Variants in FNBP1L observed in about 807,000 individuals in gnomAD.
FNBP1L encodes the protein formin-binding protein 1-like.
FNBP1L carries 36 observed loss-of-function variants against 91.2 expected under a neutral mutation model. The observed-to-expected ratio is 0.39, with a 90% confidence interval of 0.30 to 0.52. FNBP1L has a LOEUF of 0.52. Among genes scored for constraint, FNBP1L ranks in the 20% least tolerant of loss-of-function variants. The pLI is 0.66. For missense variants in FNBP1L, 571 were observed against 732.1 expected, an observed-to-expected ratio of 0.78 and a Z score of 2.54; for synonymous variants, 242 against 237.0, an observed-to-expected ratio of 1.02 and a Z score of -0.19.
chr1:93,538,453 A>G (rs750376342), intron 10 of FNBP1L, among the ~76,000 whole-genome samples: 1 of 152,132 alleles, frequency 6.6e-6, no homozygotes, highest in Non-Finnish European at 1.5e-5. Flanking sequence ...ATACCACTCC[A>G]GAGAAGAAAG....
intron 6 of FNBP1L, 78 bp from the exon 7 acceptor site, chr1:93,530,677 T>G: frequency 1.4e-6 from 2 of 1,478,002 alleles, no homozygotes; most frequent in Non-Finnish European, 1.8e-6. Flanking sequence ...TGATAAAATC[T>G]AGTTTTAGTA....
At chr1:93,509,244 G>C (rs1389519196) in intron 2 of FNBP1L, among the ~76,000 whole-genome samples, 1 of 152,162 alleles carries the variant, frequency 6.6e-6, no homozygotes, top group Non-Finnish European at 1.5e-5. Flanking sequence ...TACAAGTTCA[G>C]ACAGTCCATG....
At chr1:93,489,799 T>A (rs1206774944) in intron 1 of FNBP1L, among the ~76,000 whole-genome samples, 1 of 152,220 alleles carries the variant, frequency 6.6e-6, no homozygotes, top group South Asian at 2.1e-4. Flanking sequence ...TGGTTGATCC[T>A]GAATGGAAGT....
chr1:93,483,629 C>A (rs531210933), intron 1 of FNBP1L, among the ~76,000 whole-genome samples: 1 of 152,102 alleles, frequency 6.6e-6, no homozygotes, highest in African/African-American at 2.4e-5. Context: ...ATCAGTGTTG[C>A]TTCTTCCAAA....
chr1:93,532,080 T>C (rs1671694423), intron 7 of FNBP1L, among the ~76,000 whole-genome samples: 1 of 152,184 alleles, frequency 6.6e-6, no homozygotes, highest in Admixed American at 6.5e-5. Flanking sequence ...AGGTGTACAC[T>C]GCAGTAGGTC....
At position 93,470,014 on chromosome 1, in the gene FNBP1L, A is replaced by G. The variant is rs138964881; in HGVS notation, c.24+21709A>G. On this transcript the variant is annotated intron_variant, in intron 1 of 16. Transcript: ENST00000271234. ...TGTAATTGTGGTGTTAAAGTACCAT[A>G]TTTGTCCTTGATATTCCTCCCTGAA... is the stretch of plus-strand genomic sequence containing the variant. Among the ~76,000 whole-genome samples, 64 of 152,218 alleles carry G rather than the reference A, an allele frequency of 4.2e-4. 1 individual carries two copies. The South Asian group carries it at 4.8e-3, about 11-fold the overall frequency.
At chr1:93,503,269 A>G (rs1670496666) in intron 2 of FNBP1L, among the ~76,000 whole-genome samples, 1 of 152,136 alleles carries the variant, frequency 6.6e-6, no homozygotes, top group African/African-American at 2.4e-5. Flanking sequence ...CTGTAAAACC[A>G]TCAGATCTCG....
At chr1:93,457,571 G>C (rs889209496) in intron 1 of FNBP1L, among the ~76,000 whole-genome samples, 2 of 152,022 alleles carry the variant, frequency 1.3e-5, no homozygotes, top group African/African-American at 4.8e-5. Context: ...CTCAGGGCAA[G>C]AGTAGCTTAT....
intron 11 of FNBP1L, 125 bp from the exon 12 acceptor site, chr1:93,543,971 TTTTTTTAAGGG>T: frequency 4.0e-6 from 2 of 505,288 alleles, no homozygotes; most frequent in Non-Finnish European, 6.9e-6. Flanking sequence ...AGATTTCTTT[TTTTTTTAAGGG>T]GTTGCTTGAG....
chr1:93,537,926 C>T (rs1364138812), intron 10 of FNBP1L, among the ~76,000 whole-genome samples: 2 of 152,104 alleles, frequency 1.3e-5, no homozygotes, highest in Non-Finnish European at 2.9e-5. Flanking sequence ...CTCCTGGGCT[C>T]AAGCAGTCCT....
At chr1:93,461,516 T>C (rs1196668778) in intron 1 of FNBP1L, among the ~76,000 whole-genome samples, 1 of 152,064 alleles carries the variant, frequency 6.6e-6, no homozygotes, top group Non-Finnish European at 1.5e-5. Context: ...AGGTGATAGT[T>C]GCAGTTCTAA....
chr1:93,544,871 C>G (rs949228610), intron 12 of FNBP1L, among the ~76,000 whole-genome samples: 2 of 152,044 alleles, frequency 1.3e-5, no homozygotes, highest in African/African-American at 4.8e-5. Flanking sequence ...TTTGCACTAC[C>G]TTTGATTCTC....
chr1:93,487,804 C>G (rs746052913), intron 1 of FNBP1L, among the ~76,000 whole-genome samples: 21 of 152,174 alleles, frequency 1.4e-4, no homozygotes, highest in Non-Finnish European at 3.1e-4. Context: ...TCATCAATTC[C>G]TTGACCTCTG....
intron 1 of FNBP1L, among the ~76,000 whole-genome samples, chr1:93,462,014 T>A (rs1668885126): frequency 6.6e-6 from 1 of 152,128 alleles, no homozygotes; most frequent in Non-Finnish European, 1.5e-5. Context: ...CCTGCCAGAA[T>A]GGAAGGGTGT....
At chr1:93,537,348 C>T (rs542142085) in intron 10 of FNBP1L, among the ~76,000 whole-genome samples, 2 of 152,068 alleles carry the variant, frequency 1.3e-5, no homozygotes, top group African/African-American at 2.4e-5. Flanking sequence ...TAGGTTGTTT[C>T]GTTCTTCCTT....
rs986351814 is a variant in FNBP1L, at chr1:93,553,297, C to T, written c.*881C>T. The T allele has an allele frequency of 6.5e-6, 1 of 152,676 alleles. No individual in the cohort carries two copies. The highest frequency in any genetic ancestry group is 1.5e-5 in the Non-Finnish European group (1 of 68,044). 9.5% of individuals were successfully genotyped at this position (152,676 alleles called of 1,614,324 possible). Reference sequence around the variant, plus strand: ...GCTTCCATTCAAATGCTGCCTTAAACTTGAGTGCCTAAATCTGTTGATTGC... The same window carrying T: ...GCTTCCATTCAAATGCTGCCTTAAATTTGAGTGCCTAAATCTGTTGATTGC... On this transcript the variant is annotated 3_prime_UTR_variant, in exon 17 of 17. Transcript: ENST00000271234.
chr1:93,470,129 CTT>C (rs1359640238), intron 1 of FNBP1L, among the ~76,000 whole-genome samples: 1 of 152,056 alleles, frequency 6.6e-6, no homozygotes, highest in Non-Finnish European at 1.5e-5. Flanking sequence ...GCTATGCTCT[CTT>C]TTCTTTCTTT....
At chr1:93,480,559 G>A (rs1288024916) in intron 1 of FNBP1L, among the ~76,000 whole-genome samples, 1 of 151,746 alleles carries the variant, frequency 6.6e-6, no homozygotes, top group Non-Finnish European at 1.5e-5. Flanking sequence ...TAGGGGTCCT[G>A]TAAGTTGGGT....
intron 1 of FNBP1L, among the ~76,000 whole-genome samples, chr1:93,498,408 T>C (rs1039860628): frequency 6.6e-6 from 1 of 152,254 alleles, no homozygotes; most frequent in Admixed American, 6.5e-5. Flanking sequence ...TATTCAGATA[T>C]ATTTTGAAAA....
Sources: gnomAD v4.1 joint callset for allele counts (sites outside exome capture counted in the v4.1 genomes callset) on GRCh38, gnomAD v4.1.1 for gene constraint, MANE v1.5 for transcripts, NCBI Gene and HGNC (gene_info 2026-07-23, HGNC 2026-07-21) for gene names.